TRHDE: variants seen among roughly 807,000 people sequenced by gnomAD.
The protein encoded by TRHDE is thyrotropin-releasing hormone-degrading ectoenzyme.
In TRHDE, 72 loss-of-function variants were observed where a neutral mutation model predicts 125.7. The observed-to-expected ratio is 0.57, with a 90% CI of 0.47 to 0.70. TRHDE has a LOEUF of 0.70. Ranked by LOEUF, TRHDE falls within the 30% of genes least tolerant of loss-of-function variation. The pLI is 0.00. For synonymous variants in TRHDE, 509 were observed against 509.1 expected (o/e 1.00, Z 0.00); for missense variants, 1,110 against 1,327.1 (o/e 0.84, Z 2.54).
Position 72,621,632 on chromosome 12 carries a change from G to C in TRHDE, c.2568-12G>C. The C allele has an allele frequency of 6.3e-7, 1 of 1,578,846 alleles. No individual in the cohort carries two copies. The highest frequency in any genetic ancestry group is 8.6e-7 in the Non-Finnish European group (1 of 1,158,652). ...TTTCTTTTTAATTTGTTTCCCTTTT[G>C]ATGATATCTAGAGAACTACGTAGAG... On this transcript the variant is annotated splice_polypyrimidine_tract_variant and intron_variant, in intron 14 of 18. Transcript: ENST00000261180.
At chr12:72,115,856 T>A (rs1365075257) in intron 2 of TRHDE, among the ~76,000 whole-genome samples, 3 of 152,176 alleles carry the variant, frequency 2.0e-5, no homozygotes, top group Admixed American at 6.5e-5. Context: ...TTTAAAAAAA[T>A]TTTACTTCAA....
chr12:72,660,859 C>T (rs1203513728), intron 18 of TRHDE, among the ~76,000 whole-genome samples: 5 of 152,140 alleles, frequency 3.3e-5, no homozygotes, highest in Admixed American at 2.0e-4. Context: ...AACTAGAATG[C>T]TAACTGCCTT....
intron 2 of TRHDE, among the ~76,000 whole-genome samples, chr12:72,108,490 C>T (rs1875240631): frequency 6.6e-6 from 1 of 152,022 alleles, no homozygotes; most frequent in Non-Finnish European, 1.5e-5. Context: ...GCAAAATGGA[C>T]AGATGCTGTT....
chr12:72,512,617 A>G (rs909959958), intron 6 of TRHDE, among the ~76,000 whole-genome samples: 28 of 142,308 alleles, frequency 2.0e-4, no homozygotes, highest in African/African-American at 7.2e-4. Context: ...AATTATATAT[A>G]ATCATATATA....
chr12:72,417,054 A>G (rs1406958114), intron 3 of TRHDE, among the ~76,000 whole-genome samples: 2 of 151,934 alleles, frequency 1.3e-5, no homozygotes, highest in Admixed American at 1.3e-4. Flanking sequence ...TCAATATTTT[A>G]CCATTTTCAT....
intron 10 of TRHDE, among the ~76,000 whole-genome samples, chr12:72,573,084 A>C (rs1870823584): frequency 1.3e-5 from 2 of 151,930 alleles, no homozygotes; most frequent in African/African-American, 4.8e-5. Flanking sequence ...GTGTTATAAA[A>C]ATCTTAGTAT....
chr12:72,582,752 C>T (rs565368569), intron 12 of TRHDE, among the ~76,000 whole-genome samples: 1 of 152,096 alleles, frequency 6.6e-6, no homozygotes, highest in Non-Finnish European at 1.5e-5. Context: ...GATTTCCTCA[C>T]TCTATAATGG....
At chr12:72,464,201 G>T (rs1876259342) in intron 3 of TRHDE, among the ~76,000 whole-genome samples, 1 of 152,158 alleles carries the variant, frequency 6.6e-6, no homozygotes, top group African/African-American at 2.4e-5. Context: ...TGGGCATGTG[G>T]GTGGTGATGG....
intron 1 of TRHDE, among the ~76,000 whole-genome samples, chr12:72,096,124 C>T (rs12302426): frequency 8.7e-6 from 1 of 114,606 alleles, no homozygotes; most frequent in Non-Finnish European, 1.8e-5. Flanking sequence ...TAAATCTTTT[C>T]TTATGTGTAT....
intron 15 of TRHDE, among the ~76,000 whole-genome samples, chr12:72,622,399 T>C (rs1332419854): frequency 1.3e-5 from 2 of 152,098 alleles, no homozygotes; most frequent in Non-Finnish European, 1.5e-5. Flanking sequence ...GTATTATGCC[T>C]ACAGTATTTT....
intron 12 of TRHDE, among the ~76,000 whole-genome samples, chr12:72,576,806 A>G (rs1368594617): frequency 6.6e-6 from 1 of 152,152 alleles, no homozygotes; most frequent in African/African-American, 2.4e-5. Flanking sequence ...TTTGCCTAAT[A>G]ATTGAATGGC....
At chr12:72,097,009 A>G (rs1874939353) in intron 1 of TRHDE, among the ~76,000 whole-genome samples, 1 of 152,192 alleles carries the variant, frequency 6.6e-6, no homozygotes, top group Non-Finnish European at 1.5e-5. Context: ...CTGTCTGTCT[A>G]TTACCAAATA....
intron 2 of TRHDE, among the ~76,000 whole-genome samples, chr12:72,211,067 C>A (rs748313285): frequency 5.3e-5 from 8 of 152,166 alleles, no homozygotes; most frequent in Non-Finnish European, 1.2e-4. Context: ...TTTCCTCACA[C>A]TTAAAGGGAA....
At chr12:72,276,921 G>A (rs181657727) in intron 1 of TRHDE, among the ~76,000 whole-genome samples, 3 of 152,264 alleles carry the variant, frequency 2.0e-5, no homozygotes, top group Admixed American at 2.0e-4. Context: ...TAGGTAAAAT[G>A]TCCGTTTACC....
chr12:72,289,478 A>G (rs2139431762), intron 2 of TRHDE, among the ~76,000 whole-genome samples: 1 of 152,310 alleles, frequency 6.6e-6, no homozygotes, highest in African/African-American at 2.4e-5. Flanking sequence ...ACCCATCCCC[A>G]AAATGGCTTA....
At chr12:72,367,314 C>T (rs1415271880) in intron 2 of TRHDE, among the ~76,000 whole-genome samples, 1 of 152,076 alleles carries the variant, frequency 6.6e-6, no homozygotes, top group Admixed American at 6.6e-5. Flanking sequence ...TCATGTCACT[C>T]TGCCTCAAAC....
At chr12:72,609,698 CAT>C (rs768392970) in intron 12 of TRHDE, among the ~76,000 whole-genome samples, 1 of 152,110 alleles carries the variant, frequency 6.6e-6, no homozygotes, top group Admixed American at 6.5e-5. Context: ...CTAGAGAAGA[CAT>C]AGTCAGTTCT....
chr12:72,287,090 G>C, intron 2 of TRHDE, 136 bp downstream of exon 2: 1 of 977,218 alleles, frequency 1.0e-6, no homozygotes, highest in Middle Eastern at 3.2e-4. Context: ...TTCTTATGGG[G>C]GGGTTTTTAC....
At chr12:72,278,763 C>A (rs1257558756) in intron 1 of TRHDE, among the ~76,000 whole-genome samples, 2 of 152,048 alleles carry the variant, frequency 1.3e-5, no homozygotes, top group African/African-American at 4.8e-5. Flanking sequence ...TCATTCAGGT[C>A]TTTTGCCCAC....
Sources: allele counts gnomAD v4.1 joint callset (sites outside exome capture counted in the v4.1 genomes callset), GRCh38; gene constraint gnomAD v4.1.1; transcripts MANE v1.5; gene names NCBI Gene and HGNC (gene_info 2026-07-23, HGNC 2026-07-21).